Variants in PHF21A observed in about 807,000 individuals in gnomAD.
The protein encoded by PHF21A is BHC80a.
PHF21A carries 11 observed loss-of-function variants against 82.5 expected under a neutral mutation model. The observed-to-expected ratio is 0.13, with a 90% CI of 0.08 to 0.22. The LOEUF (loss-of-function observed/expected upper bound fraction) is 0.22, where lower values mean the gene tolerates loss of function less well. Ranked by LOEUF, PHF21A falls within the 10% of genes least tolerant of loss-of-function variation. PHF21A has a pLI of 1.00. For synonymous variants in PHF21A, 297 were observed against 302.8 expected, an observed-to-expected ratio of 0.98 and a Z score of 0.20; for missense variants, 579 against 837.8, an observed-to-expected ratio of 0.69 and a Z score of 3.81.
At chr11:46,008,034 T>C (rs890420185) in intron 6 of PHF21A, among the ~76,000 whole-genome samples, 3 of 152,258 alleles carry the variant, frequency 2.0e-5, no homozygotes, top group Admixed American at 6.5e-5. Context: ...ATGTGTTTAA[T>C]GTTGTTCTAC....
intron 12 of PHF21A, 145 bp downstream of exon 12, chr11:45,950,061 C>A: frequency 1.6e-6 from 1 of 628,476 alleles, no homozygotes; most frequent in Non-Finnish European, 2.7e-6. Flanking sequence ...GCAATTTTCC[C>A]ACTAAAGGAA....
At chr11:45,990,161 C>A (rs532711125) in intron 6 of PHF21A, among the ~76,000 whole-genome samples, 2 of 151,910 alleles carry the variant, frequency 1.3e-5, no homozygotes, top group South Asian at 2.1e-4. Flanking sequence ...CATGTATGCA[C>A]CCACTAACAC....
chr11:45,947,529 C>A (rs2091478726), intron 14 of PHF21A, among the ~76,000 whole-genome samples: 1 of 152,148 alleles, frequency 6.6e-6, no homozygotes, highest in Non-Finnish European at 1.5e-5. Flanking sequence ...CTAGGGAGTT[C>A]AGTGCTGCTG....
Position 46,019,210 on chromosome 11 carries a change from T to C in PHF21A, c.154-39244A>G, listed in dbSNP as rs549158300. Among the ~76,000 whole-genome samples, 11 of 152,304 alleles carry C rather than the reference T, an allele frequency of 7.2e-5. No individual in the cohort carries two copies. The East Asian group carries it at 2.1e-3, about 29-fold the overall frequency. On this transcript the variant is annotated intron_variant, in intron 6 of 18. Transcript: ENST00000676320. ...TCTAAAGAGGAAAAGAAGAAACTGC[T>C]TTTTAATTCTTTCTAGAAGATAGGG...
chr11:46,099,560 A>ACACACCCACC (rs369043301), intron 1 of PHF21A, among the ~76,000 whole-genome samples: 55 of 146,062 alleles, frequency 3.8e-4, no homozygotes, highest in African/African-American at 1.3e-3. Context: ...ACACACACAC[A>ACACACCCACC]CACCCTAAAC....
chr11:46,010,577 T>C (rs1317810341), intron 6 of PHF21A, among the ~76,000 whole-genome samples: 4 of 152,178 alleles, frequency 2.6e-5, no homozygotes, highest in Non-Finnish European at 5.9e-5. Flanking sequence ...GGCACCGGAG[T>C]ATGCTTTTTG....
At chr11:46,089,314 A>G (rs956162796) in intron 3 of PHF21A, among the ~76,000 whole-genome samples, 1 of 152,188 alleles carries the variant, frequency 6.6e-6, no homozygotes, top group African/African-American at 2.4e-5. Flanking sequence ...ATAAAATAAT[A>G]TCTTTATTAG....
At chr11:46,077,735 T>C (rs1403829415) in intron 5 of PHF21A, among the ~76,000 whole-genome samples, 1 of 152,240 alleles carries the variant, frequency 6.6e-6, no homozygotes, top group Non-Finnish European at 1.5e-5. Flanking sequence ...GTTACTGTCC[T>C]GCCTACCTCA....
intron 18 of PHF21A, chr11:45,934,715 G>C (rs375167458): frequency 6.4e-6 from 2 of 310,762 alleles, no homozygotes; most frequent in African/African-American, 2.2e-5. Flanking sequence ...GAAGTGAGAC[G>C]ACAGGCCAGC....
At chr11:45,955,820 T>G (rs1465628429) in intron 10 of PHF21A, among the ~76,000 whole-genome samples, 1 of 152,172 alleles carries the variant, frequency 6.6e-6, no homozygotes, top group African/African-American at 2.4e-5. Context: ...GGCCCAGGTG[T>G]GAGGAACGGA....
At chr11:45,950,297 G>A in intron 11 of PHF21A, 40 bp from the exon 12 acceptor site, 5 of 1,586,556 alleles carry the variant, frequency 3.2e-6, no homozygotes, top group Non-Finnish European at 4.3e-6. Context: ...CTTCAGTCTG[G>A]GTTCTCACAA....
chr11:45,964,067 G>A (rs376023086), intron 10 of PHF21A, among the ~76,000 whole-genome samples: 1 of 151,742 alleles, frequency 6.6e-6, no homozygotes, highest in Admixed American at 6.6e-5. Flanking sequence ...CATGGTGGCT[G>A]ACGCCTGTAA....
intron 1 of PHF21A, among the ~76,000 whole-genome samples, chr11:46,103,122 T>G (rs1031465172): frequency 2.6e-5 from 4 of 152,204 alleles, no homozygotes; most frequent in African/African-American, 9.7e-5. Context: ...ACAGCACCAC[T>G]TTTTACAAAT....
intron 14 of PHF21A, among the ~76,000 whole-genome samples, chr11:45,948,454 A>G (rs1326731864): frequency 6.6e-6 from 1 of 152,226 alleles, no homozygotes; most frequent in African/African-American, 2.4e-5. Flanking sequence ...GAAAGTCTGC[A>G]GCTCCAAGAA....
chr11:45,952,316 G>A (rs916638566), intron 11 of PHF21A, among the ~76,000 whole-genome samples: 8 of 152,012 alleles, frequency 5.3e-5, no homozygotes, highest in Non-Finnish European at 1.0e-4. Context: ...ATCTCAGCTC[G>A]CTGCAGCCTA....
intron 11 of PHF21A, 119 bp downstream of exon 11, chr11:45,953,408 T>C (rs1460545347): frequency 1.4e-6 from 1 of 692,892 alleles, no homozygotes; most frequent in Admixed American, 2.3e-5. Flanking sequence ...ATAATAAAAG[T>C]GCATAAGAAA....
rs780150629 is a variant in PHF21A at position 45,971,319 on chromosome 11, C to A, written c.409G>T (p.Val137Phe). The A allele has an allele frequency of 6.2e-7, 1 of 1,614,016 alleles. No homozygotes were observed. The highest frequency in any genetic ancestry group is 8.5e-7 in the Non-Finnish European group (1 of 1,180,014). Residue 137 changes from valine to phenylalanine, a missense_variant, in exon 8 of 19, where the codon GTC (valine) becomes TTC (phenylalanine). Physicochemically the swap from Val to Phe is conservative, Grantham distance 50. Around this residue, in one of 3 missense-constraint regions of PHF21A, gnomAD observed 410 missense variants for 642.1 expected, o/e 0.64. Transcript: ENST00000676320. ...SMITTKTLPLVLKAATATMPA... is the reference protein window; with the variant it reads ...SMITTKTLPLFLKAATATMPA... The stretch of plus-strand genomic sequence containing the variant: ...ATGGTCGCAGTTGCTGCTTTCAAGA[C>A]GAGAGGTAGTGTCTTTGTGGTAATC...
At chr11:45,945,774 C>A in intron 15 of PHF21A, 66 bp downstream of exon 15, 1 of 1,350,846 alleles carries the variant, frequency 7.4e-7, no homozygotes, top group Non-Finnish European at 1.0e-6. Flanking sequence ...AAGGAGACAA[C>A]ATATGATAAC....
Position 45,933,993 on chromosome 11 carries a change from C to T in PHF21A, c.2021G>A (p.Cys674Tyr). The change falls in exon 19 of 19, where the codon TGT becomes TAT. Residue 674 changes from cysteine (C) to tyrosine (Y), a missense_variant. Transcript: ENST00000676320. Reference sequence around the variant, plus strand: ...TTATTTAGTCTCTTCCCCCTGGTTACAGTTCGCTGTGCAGCTCTGGGAGGA... The same window carrying T: ...TTATTTAGTCTCTTCCCCCTGGTTATAGTTCGCTGTGCAGCTCTGGGAGGA... ...SPSSQSCTAN[C>Y]NQGEETK 1 of 1,583,564 alleles carries T rather than the reference C, an allele frequency of 6.3e-7. No individual in the cohort carries two copies.
Sources: gnomAD v4.1 joint callset for allele counts (sites outside exome capture counted in the v4.1 genomes callset) on GRCh38, gnomAD v4.1.1 for gene constraint, gnomAD v4.1.1 regional missense constraint, MANE v1.5 for transcripts, NCBI Gene and HGNC (gene_info 2026-07-23, HGNC 2026-07-21) for gene names.